OTUD7A: variants seen among roughly 807,000 people sequenced by gnomAD.
OTUD7A encodes the protein OTU deubiquitinase 7A, also known as OTU domain-containing protein 7A.
A neutral mutation model predicts 65.7 loss-of-function variants in OTUD7A; 12 were observed. The ratio of observed to expected loss-of-function variants is 0.18; its 90% CI spans 0.12 to 0.30. The LOEUF is 0.30. Ranked by LOEUF, OTUD7A falls within the 10% of genes least tolerant of loss-of-function variation. OTUD7A has a pLI of 1.00. For synonymous variants in OTUD7A, 641 were observed against 586.3 expected, an observed-to-expected ratio of 1.09 and a Z score of -1.35; for missense variants, 1,148 against 1,304.8, an observed-to-expected ratio of 0.88 and a Z score of 1.85.
At chr15:31,681,119 T>TA (rs1450818017) in intron 1 of OTUD7A, among the ~76,000 whole-genome samples, 1 of 151,272 alleles carries the variant, frequency 6.6e-6, no homozygotes, top group Non-Finnish European at 1.5e-5. Flanking sequence ...TATCTTTTGA[T>TA]ATATATTTTT....
At chr15:31,719,954 C>T (rs1893689098) in intron 1 of OTUD7A, among the ~76,000 whole-genome samples, 1 of 152,196 alleles carries the variant, frequency 6.6e-6, no homozygotes, top group Admixed American at 6.5e-5. Context: ...CCCATGTCCC[C>T]TTCCTCAAGT....
At chr15:31,808,535 G>A (rs998367346) in intron 1 of OTUD7A, among the ~76,000 whole-genome samples, 3 of 152,130 alleles carry the variant, frequency 2.0e-5, no homozygotes, top group African/African-American at 4.8e-5. Flanking sequence ...CCCTGGCCTC[G>A]GGGTCACTCT....
intron 3 of OTUD7A, among the ~76,000 whole-genome samples, chr15:31,590,915 T>C (rs1242372490): frequency 6.6e-6 from 1 of 152,156 alleles, no homozygotes; most frequent in Non-Finnish European, 1.5e-5. Flanking sequence ...CGTGCAGGCA[T>C]CCTTGGGTGC....
At chr15:31,638,283 T>C (rs947651807) in intron 3 of OTUD7A, among the ~76,000 whole-genome samples, 9 of 152,320 alleles carry the variant, frequency 5.9e-5, no homozygotes, top group Admixed American at 3.3e-4. Context: ...GTTAGCATTT[T>C]TGGCAATAAA....
intron 1 of OTUD7A, among the ~76,000 whole-genome samples, chr15:31,760,210 T>C (rs1174095171): frequency 6.6e-6 from 1 of 152,154 alleles, no homozygotes; most frequent in African/African-American, 2.4e-5. Context: ...TTCTCTCACC[T>C]TACCTCCCTT....
At chr15:31,559,209 T>A (rs767994686) in intron 4 of OTUD7A, 22 bp from the exon 5 acceptor site, 43 of 1,606,556 alleles carry the variant, frequency 2.7e-5, no homozygotes, top group Middle Eastern at 1.6e-4. Context: ...GAAGGAAAGA[T>A]AGCCCCAAGG....
chr15:31,817,613 A>G (rs1369290609), intron 1 of OTUD7A, among the ~76,000 whole-genome samples: 2 of 152,146 alleles, frequency 1.3e-5, no homozygotes, highest in Non-Finnish European at 2.9e-5. Flanking sequence ...TTCTGAAAGC[A>G]TGGATTGACT....
intron 3 of OTUD7A, among the ~76,000 whole-genome samples, chr15:31,585,316 C>T (rs1357600777): frequency 6.6e-6 from 1 of 152,218 alleles, no homozygotes; most frequent in Non-Finnish European, 1.5e-5. Context: ...TCTCAAATGA[C>T]AAACATTCAT....
chr15:31,802,343 C>T (rs1366038769), intron 1 of OTUD7A, among the ~76,000 whole-genome samples: 1 of 152,048 alleles, frequency 6.6e-6, no homozygotes, highest in Non-Finnish European at 1.5e-5. Context: ...CCAGTCTCTC[C>T]TTTTCACGTT....
At chr15:31,515,464 A>G (rs914033284) in intron 8 of OTUD7A, among the ~76,000 whole-genome samples, 1 of 152,130 alleles carries the variant, frequency 6.6e-6, no homozygotes, top group African/African-American at 2.4e-5. Flanking sequence ...AAACCAATAA[A>G]TATTCATTGA....
intron 3 of OTUD7A, among the ~76,000 whole-genome samples, chr15:31,584,703 G>A (rs1889475857): frequency 6.6e-6 from 1 of 152,218 alleles, no homozygotes; most frequent in Non-Finnish European, 1.5e-5. Context: ...AACTAATGCT[G>A]AGCTCTTTGG....
chr15:31,675,182 C>T (rs1892569113), intron 1 of OTUD7A, among the ~76,000 whole-genome samples: 1 of 151,872 alleles, frequency 6.6e-6, no homozygotes, highest in African/African-American at 2.4e-5. Context: ...GAGTCCATAA[C>T]ACAGAAAAAG....
chr15:31,849,372 A>T (rs1040483035), intron 1 of OTUD7A, among the ~76,000 whole-genome samples: 1 of 152,186 alleles, frequency 6.6e-6, no homozygotes, highest in Non-Finnish European at 1.5e-5. Flanking sequence ...GAAACTGGAT[A>T]CCTTCCTTAC....
chr15:31,610,864 C>A (rs1890398276), intron 3 of OTUD7A, among the ~76,000 whole-genome samples: 1 of 151,238 alleles, frequency 6.6e-6, no homozygotes, highest in African/African-American at 2.4e-5. Context: ...CTCCTGACCT[C>A]GTGATCTGCC....
intron 1 of OTUD7A, among the ~76,000 whole-genome samples, chr15:31,812,443 G>A (rs1896444288): frequency 6.6e-6 from 1 of 152,196 alleles, no homozygotes; most frequent in Non-Finnish European, 1.5e-5. Flanking sequence ...CCTTGCTGGA[G>A]GAGAGAAGAA....
intron 1 of OTUD7A, among the ~76,000 whole-genome samples, chr15:31,799,208 T>C (rs1432231278): frequency 2.0e-5 from 3 of 152,130 alleles, no homozygotes; most frequent in Non-Finnish European, 2.9e-5. Flanking sequence ...CAGTGGGCTG[T>C]GCGGGCCTGC....
At chr15:31,516,637 G>A (rs1400975552) in intron 8 of OTUD7A, among the ~76,000 whole-genome samples, 2 of 152,190 alleles carry the variant, frequency 1.3e-5, no homozygotes, top group Non-Finnish European at 2.9e-5. Context: ...ACCCAAGCTG[G>A]TGGCCAGAGA....
intron 5 of OTUD7A, among the ~76,000 whole-genome samples, chr15:31,535,053 G>C (rs1300183067): frequency 6.6e-6 from 1 of 152,206 alleles, no homozygotes; most frequent in Non-Finnish European, 1.5e-5. Context: ...ATACTTTGCT[G>C]TTGGGATTGT....
intron 8 of OTUD7A, among the ~76,000 whole-genome samples, chr15:31,510,096 T>C (rs559496678): frequency 0.016 from 2,459 of 151,360 alleles, 76 homozygotes; most frequent in African/African-American, 0.057. Context: ...TTTTTTTTTT[T>C]CCCTGATTTA....
Sources: allele counts gnomAD v4.1 joint callset (sites outside exome capture counted in the v4.1 genomes callset), GRCh38; gene constraint gnomAD v4.1.1; transcripts MANE v1.5; gene names NCBI Gene and HGNC (gene_info 2026-07-23, HGNC 2026-07-21).